FICD: variants seen among roughly 807,000 people sequenced by gnomAD.
FICD encodes the protein FIC domain protein adenylyltransferase.
In FICD, 13 loss-of-function variants were observed where a neutral mutation model predicts 28.0. The observed-to-expected ratio is 0.46, with a 90% CI of 0.30 to 0.74. The LOEUF (loss-of-function observed/expected upper bound fraction) is 0.74, where lower values mean the gene tolerates loss of function less well. Ranked by LOEUF, FICD falls within the 30% of genes least tolerant of loss-of-function variation. FICD has a pLI of 0.07. For synonymous variants in FICD, 268 were observed against 266.4 expected, an observed-to-expected ratio of 1.01 and a Z score of -0.06; for missense variants, 576 against 624.5, an observed-to-expected ratio of 0.92 and a Z score of 0.83.
chr12:108,518,341 C>T lies in FICD; in HGVS notation c.302-59C>T, dbSNP rs532470478. 59 of 1,426,272 alleles carry T rather than the reference C, an allele frequency of 4.1e-5. No individual in the cohort carries two copies. Among genetic ancestry groups the T allele is most frequent in the Middle Eastern group, 3.5e-4 (2 of 5,736 alleles). 88.4% of individuals were successfully genotyped at this position (1,426,272 alleles called of 1,614,324 possible). ...GAGACCAGCACAGGGGACAGCCCCC[C>T]GAATGTCCTCTGCCCCCTAGCCTCC... On this transcript the variant is annotated intron_variant, in intron 2 of 2. Transcript: ENST00000552695. This position sits in a 1 kb window ranked among gnomAD's most constrained non-coding sequence, Gnocchi z 4.4.
Position 108,517,015 on chromosome 12 carries a change from C to T in FICD, c.43C>T (p.Pro15Ser), listed in dbSNP as rs200769403. 1 of 1,551,064 alleles carries T rather than the reference C, an allele frequency of 6.4e-7. No homozygotes were observed. The highest frequency in any genetic ancestry group is 1.9e-5 in the Admixed American group (1 of 52,116). ...GGCTTCAGTGATGGCGGTGACTGAA[C>T]CGAAATGGGTCTCGGTCTGGAGCCG... ...PMASVMAVTEPKWVSVWSRFL... is the reference protein window; with the variant it reads ...PMASVMAVTESKWVSVWSRFL... The change falls in exon 2 of 3, where the codon CCG (proline) becomes TCG (serine). Residue 15 changes from proline (P) to serine (S), a missense_variant. Pro to Ser is a moderately conservative substitution (Grantham distance 74). Transcript: ENST00000552695.
intron 1 of FICD, among the ~76,000 whole-genome samples, chr12:108,515,788 A>G (rs528570230): frequency 1.1e-3 from 167 of 152,342 alleles, no homozygotes; most frequent in Non-Finnish European, 1.9e-3. Context: ...TTCCCGGGTC[A>G]GGACCAGCCC....
At chr12:108,516,867 T>C in intron 1 of FICD, 48 bp from the exon 2 acceptor site, 1 of 933,840 alleles carries the variant, frequency 1.1e-6, no homozygotes, top group East Asian at 2.7e-5. Context: ...GAAGTCACAC[T>C]ATGTCCTGAA....
In FICD at chr12:108,519,584, A is replaced by T; in HGVS notation, c.*109A>T. 1.7e-6 allele frequency: 1 copy of T among 593,476 alleles called. No individual in the cohort carries two copies. Among genetic ancestry groups the T allele is most frequent in the Middle Eastern group, 3.1e-4 (1 of 3,194 alleles). The allele number at this position is 593,476 out of a possible 1,614,324, so 36.8% of individuals were successfully genotyped here. ...TAAAGCAAAAGGAGAAACATTCTTT[A>T]CCTCCAAATGTTTTAGTTTTAAAAA... On this transcript the variant is annotated 3_prime_UTR_variant, in exon 3 of 3. Coordinates refer to ENST00000552695, the MANE Select transcript of FICD (RefSeq NM_007076.3). This position sits in a 1 kb window ranked among gnomAD's most constrained non-coding sequence, Gnocchi z 4.5.
chr12:108,516,982 A>C lies in FICD; in HGVS notation c.10A>C (p.Ile4Leu), dbSNP rs140839889. 7.3e-6 allele frequency: 11 copies of C among 1,509,420 alleles called. No homozygotes were observed. In the African/African-American group the frequency reaches 9.7e-5, roughly 13 times the overall value. The allele number at this position is 1,509,420 out of a possible 1,614,324, so 93.5% of individuals were successfully genotyped here. A position where few individuals can be genotyped will look rare whatever the true frequency, so the allele number is the denominator to read the frequency against. The change falls in exon 2 of 3, where the codon ATA becomes CTA. Residue 4 changes from isoleucine (I) to leucine (L), a missense_variant. Coordinates refer to ENST00000552695, the MANE Select transcript of FICD (RefSeq NM_007076.3). MML[I>L]PMASVMAVTE... is the part of the protein sequence containing the mutation. ...CCTCTCCTGAGTCCAGATGATGCTC[A>C]TACCAATGGCTTCAGTGATGGCGGT...
chr12:108,519,093 A>G lies in FICD; in HGVS notation c.995A>G (p.Gln332Arg). 1 of 1,614,246 alleles carries G rather than the reference A, an allele frequency of 6.2e-7. No individual in the cohort carries two copies. Among genetic ancestry groups the G allele is most frequent in the African/African-American group, 1.3e-5 (1 of 75,062 alleles). ...CCGCAGGATGTGGAAAAGCAGATGC[A>G]GGAGTTTGTACAGTGGCTCAACTCC... is the stretch of plus-strand genomic sequence containing the variant. ...PHPQDVEKQM[Q>R]EFVQWLNSEE... The change falls in exon 3 of 3, where the codon CAG becomes CGG. Residue 332 changes from glutamine (Q) to arginine (R), a missense_variant. By Grantham distance (43) the Gln-to-Arg change is conservative. Transcript: ENST00000552695. This position sits in a 1 kb window ranked among gnomAD's most constrained non-coding sequence, Gnocchi z 4.5.
chr12:108,517,012 G>A lies in FICD; in HGVS notation c.40G>A (p.Glu14Lys). ...IPMASVMAVT[E>K]PKWVSVWSRF... ...AATGGCTTCAGTGATGGCGGTGACT[G>A]AACCGAAATGGGTCTCGGTCTGGAG... The change falls in exon 2 of 3, where the codon GAA (glutamate) becomes AAA (lysine). Residue 14 changes from glutamate (E) to lysine (K), a missense_variant. Transcript: ENST00000552695. The A allele has an allele frequency of 6.5e-7, 1 of 1,548,878 alleles. No individual in the cohort carries two copies. The highest frequency in any genetic ancestry group is 1.7e-4 in the Middle Eastern group (1 of 5,820).
chr12:108,516,984 A>G lies in FICD; in HGVS notation c.12A>G (p.Ile4Met), dbSNP rs915170666. ...TCTCCTGAGTCCAGATGATGCTCAT[A>G]CCAATGGCTTCAGTGATGGCGGTGA... MML[I>M]PMASVMAVTE... The change falls in exon 2 of 3, where the codon ATA becomes ATG. Residue 4 changes from isoleucine to methionine, a missense_variant. Coordinates refer to ENST00000552695, the MANE Select transcript of FICD (RefSeq NM_007076.3). 2 of 1,513,186 alleles carry G rather than the reference A, an allele frequency of 1.3e-6. No individual in the cohort carries two copies. The highest frequency in any genetic ancestry group is 2.8e-5 in the African/African-American group (2 of 72,154). The allele number at this position is 1,513,186 out of a possible 1,614,324, so 93.7% of individuals were successfully genotyped here. A position where few individuals can be genotyped will look rare whatever the true frequency, so the allele number is the denominator to read the frequency against.
rs150112694 is a variant in FICD, at chr12:108,517,014, A to G, written c.42A>G (p.Glu14=). The change falls in exon 2 of 3, where the codon GAA becomes GAG. Residue 14 remains glutamate (E), a synonymous_variant. Transcript: ENST00000552695. Reference sequence around the variant, plus strand: ...TGGCTTCAGTGATGGCGGTGACTGAACCGAAATGGGTCTCGGTCTGGAGCC... The same window carrying G: ...TGGCTTCAGTGATGGCGGTGACTGAGCCGAAATGGGTCTCGGTCTGGAGCC... ...IPMASVMAVT[E]PKWVSVWSRF... is the part of the protein sequence containing the mutation. 98 of 1,548,306 alleles carry G rather than the reference A, an allele frequency of 6.3e-5. No homozygotes were observed. In the African/African-American group the frequency reaches 1.3e-3, roughly 20 times the overall value.
chr12:108,519,002 G>A lies in FICD; in HGVS notation c.904G>A (p.Asp302Asn), dbSNP rs765667339. 1.2e-6 allele frequency: 2 copies of A among 1,614,190 alleles called. No homozygotes were observed. Among genetic ancestry groups the A allele is most frequent in the Non-Finnish European group, 1.7e-6 (2 of 1,180,040 alleles). ...EIHRRVLGYVDPVEAGRFRTT... is the reference protein window; with the variant it reads ...EIHRRVLGYVNPVEAGRFRTT... ...CCACAGGCGGGTGCTGGGCTACGTG[G>A]ACCCCGTGGAAGCCGGCAGGTTTCG... Residue 302 changes from aspartate (D) to asparagine (N), a missense_variant, in exon 3 of 3, where the codon GAC (aspartate) becomes AAC (asparagine). Transcript: ENST00000552695. This position sits in a 1 kb window ranked among gnomAD's most constrained non-coding sequence, Gnocchi z 4.5.
chr12:108,517,199 C>A lies in FICD; in HGVS notation c.227C>A (p.Thr76Asn), dbSNP rs753928259. 7 of 1,588,172 alleles carry A rather than the reference C, an allele frequency of 4.4e-6. No homozygotes were observed. The highest frequency in any genetic ancestry group is 6.0e-6 in the Non-Finnish European group (7 of 1,167,006). Residue 76 changes from threonine to asparagine, a missense_variant, in exon 2 of 3, where the codon ACC becomes AAC. Coordinates refer to ENST00000552695, the MANE Select transcript of FICD (RefSeq NM_007076.3). ...DRAQHAATKC[T>N]SPSTELSITS... ...GCGCAGCATGCCGCCACCAAGTGCACCAGCCCGTCCACGGAGCTCAGCATC... is the reference window on the plus strand; with the variant it reads ...GCGCAGCATGCCGCCACCAAGTGCAACAGCCCGTCCACGGAGCTCAGCATC...
rs938004723 is a variant in FICD at position 108,519,249 on chromosome 12, C to T, written c.1151C>T (p.Ala384Val). Residue 384 changes from alanine (A) to valine (V), a missense_variant, in exon 3 of 3, where the codon GCG (alanine) becomes GTG (valine). Transcript: ENST00000552695. The surrounding 1 kb of genome is among the most constrained non-coding windows in gnomAD (Gnocchi z 4.5). ...RLLMNLILMQ[A>V]GYPPITIRKE... ...CTCATGAACCTCATCCTCATGCAGGCGGGCTACCCGCCCATCACCATCCGC... is the reference window on the plus strand; with the variant it reads ...CTCATGAACCTCATCCTCATGCAGGTGGGCTACCCGCCCATCACCATCCGC... The T allele has an allele frequency of 6.8e-6, 11 of 1,614,106 alleles. No individual in the cohort carries two copies. The highest frequency in any genetic ancestry group is 2.2e-5 in the East Asian group (1 of 44,894).
Position 108,518,314 on chromosome 12 carries a change from C to T in FICD, c.302-86C>T, listed in dbSNP as rs755799868. 153 of 1,128,034 alleles carry T rather than the reference C, an allele frequency of 1.4e-4. No individual in the cohort carries two copies. The highest frequency in any genetic ancestry group is 7.5e-4 in the African/African-American group (49 of 65,186). 69.9% of individuals were successfully genotyped at this position (1,128,034 alleles called of 1,614,324 possible). On this transcript the variant is annotated intron_variant, in intron 2 of 2. Transcript: ENST00000552695. The surrounding 1 kb of genome is among the most constrained non-coding windows in gnomAD (Gnocchi z 4.4). ...ACAGGCTGGTCATCATGGTTTCCTG[C>T]GGAGACCAGCACAGGGGACAGCCCC...
Position 108,519,244 on chromosome 12 carries a change from G to T in FICD, c.1146G>T (p.Met382Ile), listed in dbSNP as rs757080616. ...GTCTGCTCATGAACCTCATCCTCAT[G>T]CAGGCGGGCTACCCGCCCATCACCA... ...TSRLLMNLIL[M>I]QAGYPPITIR... The change falls in exon 3 of 3, where the codon ATG becomes ATT. Residue 382 changes from methionine to isoleucine, a missense_variant. Physicochemically the swap from Met to Ile is conservative, Grantham distance 10 (BLOSUM62 1). Coordinates refer to ENST00000552695, the MANE Select transcript of FICD (RefSeq NM_007076.3). The surrounding 1 kb of genome is among the most constrained non-coding windows in gnomAD (Gnocchi z 4.5). The T allele has an allele frequency of 6.2e-7, 1 of 1,614,228 alleles. No individual in the cohort carries two copies. The highest frequency in any genetic ancestry group is 8.5e-7 in the Non-Finnish European group (1 of 1,180,036).
intron 2 of FICD, 127 bp downstream of exon 2, chr12:108,517,400 AAGGTGAT>A (rs1871943915): frequency 1.4e-6 from 1 of 706,836 alleles, no homozygotes; most frequent in African/African-American, 1.8e-5. Context: ...TAGTATAGAC[AAGGTGAT>A]GTGACTGAGA....
Position 108,519,442 on chromosome 12 carries a change from TG to T in FICD, c.1347del (p.Phe450SerfsTer7), listed in dbSNP as rs1872033220. On this transcript the variant is annotated frameshift_variant, in exon 3 of 3. Coordinates refer to ENST00000552695, the MANE Select transcript of FICD (RefSeq NM_007076.3). LOFTEE classifies it high-confidence loss of function. This position sits in a 1 kb window ranked among gnomAD's most constrained non-coding sequence, Gnocchi z 4.5. ...TGCCAGAAGCCCAACCCAACCACTC[TG>T]GGTTCAAGGAGACGCTTCCTGTGAA... ...ALPEAQPNHS[G>X]FKETLPVKP The T allele has an allele frequency of 1.9e-6, 3 of 1,613,624 alleles. No homozygotes were observed. The South Asian group carries it at 3.3e-5, about 18-fold the overall frequency.
In FICD at chr12:108,518,644, G is replaced by T; in HGVS notation, c.546G>T (p.Arg182=). The T allele has an allele frequency of 1.9e-6, 3 of 1,614,194 alleles. No individual in the cohort carries two copies. Among genetic ancestry groups the T allele is most frequent in the Non-Finnish European group, 2.5e-6 (3 of 1,180,042 alleles). The change falls in exon 3 of 3, where the codon CGG becomes CGT. Residue 182 remains arginine (R), a synonymous_variant. Transcript: ENST00000552695. This position sits in a 1 kb window ranked among gnomAD's most constrained non-coding sequence, Gnocchi z 4.4. ...YHEKALVNRD[R]TLPLVEEIDQ... Reference sequence around the variant, plus strand: ...AGAAAGCACTGGTCAACCGCGATCGGACACTGCCTCTTGTGGAAGAGATCG... The same window carrying T: ...AGAAAGCACTGGTCAACCGCGATCGTACACTGCCTCTTGTGGAAGAGATCG...
In FICD at chr12:108,520,357, C is replaced by T. The variant is rs1294330484; in HGVS notation, c.*882C>T. On this transcript the variant is annotated 3_prime_UTR_variant, in exon 3 of 3. Coordinates refer to ENST00000552695, the MANE Select transcript of FICD (RefSeq NM_007076.3). ...GCCCTCACCCCTCTGCCTGAGTTTT[C>T]TGTAGGCAGATGTTAACCTGAGAAA... The T allele has an allele frequency of 6.6e-6, 1 of 152,142 alleles. No homozygotes were observed. The highest frequency in any genetic ancestry group is 1.5e-5 in the Non-Finnish European group (1 of 68,030). The allele number at this position is 152,142 out of a possible 1,614,324, so 9.4% of individuals were successfully genotyped here. A position where few individuals can be genotyped will look rare whatever the true frequency, so the allele number is the denominator to read the frequency against.
intron 2 of FICD, 121 bp downstream of exon 2, chr12:108,517,394 A>G (rs1871943323): frequency 4.0e-6 from 3 of 754,542 alleles, no homozygotes; most frequent in Non-Finnish European, 5.8e-6. Context: ...AGCTCCTAGT[A>G]TAGACAAGGT....
Sources: gnomAD v4.1 joint callset for allele counts (sites outside exome capture counted in the v4.1 genomes callset) on GRCh38, gnomAD v4.1.1 for gene constraint, Gnocchi (gnomAD v3.1) non-coding constraint, MANE v1.5 for transcripts, NCBI Gene and HGNC (gene_info 2026-07-23, HGNC 2026-07-21) for gene names.